Variants in CACNB2 observed in about 807,000 individuals in gnomAD.
CACNB2 encodes the protein calcium voltage-gated channel auxiliary subunit beta 2, also known as voltage-dependent L-type calcium channel subunit beta-2.
A neutral mutation model predicts 73.3 loss-of-function variants in CACNB2; 42 were observed. That is an observed-to-expected ratio of 0.57 (90% CI 0.45 to 0.74). CACNB2 has a LOEUF of 0.74. CACNB2 is among the 30% of genes least tolerant of loss of function. The pLI, the probability that CACNB2 is intolerant of heterozygous loss-of-function variation, is 0.00. For synonymous variants in CACNB2, 348 were observed against 310.3 expected (o/e 1.12, Z -1.28); for missense variants, 940 against 853.0 (o/e 1.10, Z -1.27).
chr10:18,482,968 T>C (rs1440270622), intron 3 of CACNB2, among the ~76,000 whole-genome samples: 1 of 152,208 alleles, frequency 6.6e-6, no homozygotes, highest in Non-Finnish European at 1.5e-5. Context: ...AGCTCATCTG[T>C]GCCTTCCTCC....
intron 2 of CACNB2, among the ~76,000 whole-genome samples, chr10:18,304,421 G>A (rs1415105969): frequency 2.0e-5 from 3 of 152,104 alleles, no homozygotes; most frequent in Admixed American, 1.3e-4. Context: ...ATTTAAGAAA[G>A]GTATTAAATA....
intron 2 of CACNB2, among the ~76,000 whole-genome samples, chr10:18,347,344 ATTTTTTTTTTTTT>A (rs201654242): frequency 0.46 from 55,596 of 121,138 alleles, 12,033 homozygotes; most frequent in Admixed American, 0.54. Flanking sequence ...TGCCCGTCTA[ATTTTTTTTTTTTT>A]TTTTTTTTTT....
At chr10:18,505,320 G>A (rs75413292) in intron 5 of CACNB2, among the ~76,000 whole-genome samples, 8,261 of 151,466 alleles carry the variant, frequency 0.055, 377 homozygotes, top group African/African-American at 0.12. Flanking sequence ...GCCAGAAACT[G>A]CTTCTATAGA....
rs1588563111 is a variant in CACNB2, at chr10:18,154,390, A to G, written c.213+3415A>G. 2.0e-5 allele frequency among the ~76,000 whole-genome samples: 3 copies of G among 151,966 alleles called. No homozygotes were observed. In the South Asian group the frequency reaches 6.2e-4, roughly 32 times the overall value. The stretch of plus-strand genomic sequence containing the variant: ...CAAATTCATCTTTAGAAGCGCAGAC[A>G]CCCAGTGTGACTATATTTGGAGATG... On this transcript the variant is annotated intron_variant, in intron 2 of 13. Transcript: ENST00000324631.
chr10:18,526,292 G>A (rs987732407), intron 9 of CACNB2, among the ~76,000 whole-genome samples: 2 of 152,176 alleles, frequency 1.3e-5, no homozygotes, highest in Admixed American at 6.5e-5. Context: ...GAGAAGAAAG[G>A]CTGAAGACTC....
rs145120446 is a variant in CACNB2, at chr10:18,268,345, C to T, written c.213+117370C>T. 4.9e-3 allele frequency among the ~76,000 whole-genome samples: 752 copies of T among 152,032 alleles called. 6 individuals carry two copies. Among genetic ancestry groups the T allele is most frequent in the African/African-American group, 0.017 (695 of 41,476 alleles). On this transcript the variant is annotated intron_variant, in intron 2 of 13. Transcript: ENST00000324631. ...CTAGCAGTGGAAATATATGAGTTTCCGGAACATTAAAATGTGTTTGACATA... is the reference window on the plus strand; with the variant it reads ...CTAGCAGTGGAAATATATGAGTTTCTGGAACATTAAAATGTGTTTGACATA...
At chr10:18,491,507 G>A (rs1271737809) in intron 3 of CACNB2, among the ~76,000 whole-genome samples, 1 of 152,148 alleles carries the variant, frequency 6.6e-6, no homozygotes, top group African/African-American at 2.4e-5. Context: ...AGGATTATTT[G>A]AGCCTAGGAG....
chr10:18,310,009 AT>A (rs2039894879), intron 2 of CACNB2, among the ~76,000 whole-genome samples: 1 of 152,226 alleles, frequency 6.6e-6, no homozygotes, highest in Admixed American at 6.5e-5. Context: ...GACTTAATTT[AT>A]ATATCCAACT....
At chr10:18,325,693 T>TCCTC (rs1467804475) in intron 2 of CACNB2, among the ~76,000 whole-genome samples, 10 of 69,006 alleles carry the variant, frequency 1.4e-4, no homozygotes, top group African/African-American at 7.4e-5. Flanking sequence ...CTCCCTCCCT[T>TCCTC]CCTTCCTTCC....
intron 3 of CACNB2, among the ~76,000 whole-genome samples, chr10:18,465,391 C>A (rs1304152399): frequency 6.6e-6 from 1 of 152,098 alleles, no homozygotes; most frequent in Non-Finnish European, 1.5e-5. Flanking sequence ...TAGGAATCAT[C>A]CATGATAGGA....
rs1476786628 is a variant in CACNB2, at chr10:18,540,319, CTTA to C, written c.*600_*602del. 2 of 126,476 alleles carry C rather than the reference CTTA, an allele frequency of 1.6e-5. No homozygotes were observed. Among genetic ancestry groups the C allele is most frequent in the Non-Finnish European group, 3.4e-5 (2 of 58,926 alleles). The allele number at this position is 126,476 out of a possible 1,614,324, so 7.8% of individuals were successfully genotyped here. On this transcript the variant is annotated 3_prime_UTR_variant, in exon 14 of 14. Coordinates refer to ENST00000324631, the MANE Select transcript of CACNB2 (RefSeq NM_201596.3). ...TGTTATTTCTGCAAACAAACACCTT[CTTA>C]TTATATATATAATATATATATATAT... is the stretch of plus-strand genomic sequence containing the variant.
chr10:18,432,422 C>G (rs901053108), intron 3 of CACNB2, among the ~76,000 whole-genome samples: 2 of 146,492 alleles, frequency 1.4e-5, no homozygotes, highest in African/African-American at 5.1e-5. Context: ...ACAAATTGCA[C>G]TCTGTGGAGG....
intron 3 of CACNB2, among the ~76,000 whole-genome samples, chr10:18,408,350 T>C (rs765800657): frequency 6.7e-6 from 1 of 148,356 alleles, no homozygotes; most frequent in Non-Finnish European, 1.5e-5. Context: ...GCAATTCTCC[T>C]GCCTCAGCCT....
intron 3 of CACNB2, among the ~76,000 whole-genome samples, chr10:18,460,450 TA>T (rs1232681248): frequency 6.6e-6 from 1 of 152,210 alleles, no homozygotes; most frequent in Non-Finnish European, 1.5e-5. Context: ...CTAATATGTG[TA>T]GGGATATTTC....
chr10:18,336,551 G>A (rs2041014245), intron 2 of CACNB2, among the ~76,000 whole-genome samples: 1 of 152,038 alleles, frequency 6.6e-6, no homozygotes. Context: ...CCTGGGAGGC[G>A]GAGGCTGCAA....
intron 2 of CACNB2, among the ~76,000 whole-genome samples, chr10:18,152,744 A>G (rs113674496): frequency 1.4e-5 from 2 of 138,016 alleles, no homozygotes; most frequent in East Asian, 6.4e-4. Flanking sequence ...AAAAAACAAA[A>G]CACTAGCTCC....
intron 2 of CACNB2, among the ~76,000 whole-genome samples, chr10:18,231,910 T>G (rs1379431412): frequency 6.6e-6 from 1 of 152,244 alleles, no homozygotes; most frequent in African/African-American, 2.4e-5. Context: ...TGTACAACTC[T>G]TAGCAGTGAT....
intron 6 of CACNB2, among the ~76,000 whole-genome samples, chr10:18,511,764 A>C (rs1041441013): frequency 1.3e-5 from 2 of 152,156 alleles, no homozygotes; most frequent in Non-Finnish European, 1.5e-5. Flanking sequence ...GAGGATGTGA[A>C]GGGAACTGAA....
At chr10:18,182,116 C>G (rs2033915727) in intron 2 of CACNB2, 1 of 152,268 alleles carries the variant, frequency 6.6e-6, no homozygotes, top group Admixed American at 6.6e-5. Flanking sequence ...CTCCCTTGAG[C>G]ATACCCTAAG....
Sources: allele counts gnomAD v4.1 joint callset (sites outside exome capture counted in the v4.1 genomes callset), GRCh38; gene constraint gnomAD v4.1.1; transcripts MANE v1.5; gene names NCBI Gene and HGNC (gene_info 2026-07-23, HGNC 2026-07-21).